SSH1: variants seen among roughly 807,000 people sequenced by gnomAD.
The protein encoded by SSH1 is slingshot protein phosphatase 1, also known as protein phosphatase Slingshot homolog 1.
In SSH1, 43 loss-of-function variants were observed where a neutral mutation model predicts 79.7. The observed-to-expected ratio is 0.54, with a 90% confidence interval of 0.42 to 0.70. The LOEUF (loss-of-function observed/expected upper bound fraction) is 0.70, where lower values mean the gene tolerates loss of function less well. SSH1 is among the 30% of genes least tolerant of loss of function. The probability of loss-of-function intolerance (pLI) is 0.00; values close to 1 mark genes in which losing one functional copy is unlikely to be tolerated. For missense variants in SSH1, 1,206 were observed against 1,358.8 expected (o/e 0.89, Z 1.77); for synonymous variants, 599 against 538.3 (o/e 1.11, Z -1.56).
In SSH1 at chr12:108,827,287, C is replaced by T. The variant is rs996686504; in HGVS notation, c.111-3926G>A. 5.2e-6 allele frequency: 8 copies of T among 1,550,996 alleles called. No individual in the cohort carries two copies. The African/African-American group carries it at 8.2e-5, about 16-fold the overall frequency. ...CTAATTTGAGCTGGAAACCTCTGGA[C>T]AGCAGAAGCAGTGGGTTGGCTGAAG... On this transcript the variant is annotated intron_variant, in intron 2 of 14. Transcript: ENST00000326495.
chr12:108,853,170 CT>C, intron 1 of SSH1: 1 of 985,414 alleles, frequency 1.0e-6, no homozygotes, highest in Non-Finnish European at 1.2e-6. Flanking sequence ...ATCAGGCCGT[CT>C]GTTTGTGGGT....
At chr12:108,792,120 C>T (rs1218840876) in intron 14 of SSH1, 166 bp downstream of exon 14, 2 of 1,484,742 alleles carry the variant, frequency 1.3e-6, no homozygotes, top group Non-Finnish European at 1.8e-6. Context: ...AAAGAACCCT[C>T]AGGTCCCTGG....
rs1300852474 is a variant in SSH1, at chr12:108,855,030, T to C, written c.70-2352A>G. On this transcript the variant is annotated intron_variant, in intron 1 of 14. Coordinates refer to ENST00000326495, the MANE Select transcript of SSH1 (RefSeq NM_018984.4). ...AGCTGCCTGAGTTTTACTTTATGTT[T>C]ATCAGGGTCATTGGCACTTGGTAAA... is the stretch of plus-strand genomic sequence containing the variant. Among the ~76,000 whole-genome samples the C allele has an allele frequency of 2.6e-5, 4 of 152,214 alleles. No homozygotes were observed. The East Asian group carries it at 7.7e-4, about 29-fold the overall frequency.
At chr12:108,854,171 G>A (rs1272510739) in intron 1 of SSH1, among the ~76,000 whole-genome samples, 3 of 152,190 alleles carry the variant, frequency 2.0e-5, no homozygotes, top group Non-Finnish European at 4.4e-5. Flanking sequence ...AAGATGTCTG[G>A]AGGCATTTTT....
At chr12:108,843,886 T>C (rs546855391) in intron 2 of SSH1, among the ~76,000 whole-genome samples, 1 of 152,284 alleles carries the variant, frequency 6.6e-6, no homozygotes, top group Non-Finnish European at 1.5e-5. Flanking sequence ...TGCACTGGGC[T>C]TCACAAATTA....
At position 108,792,370 on chromosome 12, in the gene SSH1, C is replaced by T; in HGVS notation, c.1809G>A (p.Gln603=). Residue 603 remains glutamine, a synonymous_variant, in exon 14 of 15, where the codon CAG becomes CAA. Coordinates refer to ENST00000326495, the MANE Select transcript of SSH1 (RefSeq NM_018984.4). ...GGTTTTGATCGAGCTGGGTTGGAAG[C>T]TGCCCCCACCTCCCTGCTCCCAGGC... ...EEGLGAGRWG[Q]LPTQLDQNLL... 1 of 1,614,190 alleles carries T rather than the reference C, an allele frequency of 6.2e-7. No individual in the cohort carries two copies.
rs2036296390 is a variant in SSH1, at chr12:108,787,057, T to G, written c.*931A>C. ...TGAAATCTCCTTTCCCTTCCCTAGATGGGCCCTAGTGGACCTAAGCATCTG... is the reference window on the plus strand; with the variant it reads ...TGAAATCTCCTTTCCCTTCCCTAGAGGGGCCCTAGTGGACCTAAGCATCTG... On this transcript the variant is annotated 3_prime_UTR_variant, in exon 15 of 15. Transcript: ENST00000326495. 6.6e-6 allele frequency: 1 copy of G among 152,248 alleles called. No individual in the cohort carries two copies. The highest frequency in any genetic ancestry group is 2.4e-5 in the African/African-American group (1 of 41,462). 9.4% of individuals were successfully genotyped at this position (152,248 alleles called of 1,614,324 possible). A position where few individuals can be genotyped will look rare whatever the true frequency, so the allele number is the denominator to read the frequency against.
chr12:108,803,552 C>G (rs1363603405), intron 10 of SSH1, among the ~76,000 whole-genome samples: 4 of 152,172 alleles, frequency 2.6e-5, no homozygotes, highest in African/African-American at 9.7e-5. Context: ...GCGACACTAG[C>G]TGAATTTTCA....
chr12:108,809,972 C>T (rs1395331570), intron 6 of SSH1, among the ~76,000 whole-genome samples: 1 of 152,060 alleles, frequency 6.6e-6, no homozygotes, highest in Non-Finnish European at 1.5e-5. Flanking sequence ...TTGTTTTTAA[C>T]CCAGCACTGC....
intron 14 of SSH1, chr12:108,791,875 G>A: frequency 8.4e-7 from 1 of 1,184,824 alleles, no homozygotes; most frequent in African/African-American, 1.6e-5. Flanking sequence ...GGAAGTGGGT[G>A]GTAGGGGTGA....
At chr12:108,838,524 G>A (rs2038695145) in intron 2 of SSH1, among the ~76,000 whole-genome samples, 1 of 152,220 alleles carries the variant, frequency 6.6e-6, no homozygotes. Flanking sequence ...CTATTGTGAA[G>A]GGCACGCGAA....
rs190330635 is a variant in SSH1 at position 108,835,932 on chromosome 12, C to T, written c.111-12571G>A. On this transcript the variant is annotated intron_variant, in intron 2 of 14. Transcript: ENST00000326495. ...TTAATTATAACTATATTAATATAAT[C>T]AATTATAACTATATTAATATAATCG... Among the ~76,000 whole-genome samples the T allele has an allele frequency of 7.3e-3, 534 of 72,998 alleles. 12 individuals carry two copies. Among genetic ancestry groups the T allele is most frequent in the South Asian group, 0.017 (30 of 1,746 alleles). 47.9% of individuals were successfully genotyped at this position (72,998 alleles called of 152,430 possible).
At chr12:108,856,917 T>C (rs1173349492) in intron 1 of SSH1, among the ~76,000 whole-genome samples, 1 of 152,196 alleles carries the variant, frequency 6.6e-6, no homozygotes, top group Non-Finnish European at 1.5e-5. Flanking sequence ...CACTCACAAA[T>C]GGGAGTCCCG....
At chr12:108,818,352 C>T in intron 3 of SSH1, 39 bp from the exon 4 acceptor site, 2 of 1,587,738 alleles carry the variant, frequency 1.3e-6, no homozygotes, top group South Asian at 1.1e-5. Context: ...AGGTCTCTTA[C>T]CTACTCTCTA....
chr12:108,812,690 G>T (rs569247392), intron 5 of SSH1, among the ~76,000 whole-genome samples: 3 of 152,182 alleles, frequency 2.0e-5, no homozygotes, highest in Admixed American at 2.0e-4. Context: ...TTCTGCTCAC[G>T]GCCTTCAACT....
At chr12:108,805,312 G>T in intron 9 of SSH1, 128 bp from the exon 10 acceptor site, 1 of 1,024,990 alleles carries the variant, frequency 9.8e-7, no homozygotes, top group Non-Finnish European at 1.4e-6. Flanking sequence ...CTCTTTCAGA[G>T]TAATACATTT....
Position 108,798,996 on chromosome 12 carries a change from C to A in SSH1, c.1349+4G>T, listed in dbSNP as rs2036869341. On this transcript the variant is annotated splice_donor_region_variant and intron_variant, in intron 13 of 14. Coordinates refer to ENST00000326495, the MANE Select transcript of SSH1 (RefSeq NM_018984.4). ...CCAACCCTTCTCTCCAGGCAGGCAC[C>A]CACCTTGCATCCAAGATGCCTTCAT... 2 of 1,612,268 alleles carry A rather than the reference C, an allele frequency of 1.2e-6. No homozygotes were observed. Among genetic ancestry groups the A allele is most frequent in the Non-Finnish European group, 8.5e-7 (1 of 1,180,022 alleles).
At position 108,782,720 on chromosome 12, in the gene SSH1, C is replaced by A. The variant is rs2036164683; in HGVS notation, c.*5268G>T. On this transcript the variant is annotated 3_prime_UTR_variant, in exon 15 of 15. Transcript: ENST00000326495. Reference sequence around the variant, plus strand: ...AATTTATAAAGAAAAAGTTTATTTTCATCACAAGAAGCACACACACTATAT... The same window carrying A: ...AATTTATAAAGAAAAAGTTTATTTTAATCACAAGAAGCACACACACTATAT... 1 of 152,022 alleles carries A rather than the reference C, an allele frequency of 6.6e-6. No homozygotes were observed. The highest frequency in any genetic ancestry group is 2.4e-5 in the African/African-American group (1 of 41,376). The allele number at this position is 152,022 out of a possible 1,614,324, so 9.4% of individuals were successfully genotyped here. A position where few individuals can be genotyped will look rare whatever the true frequency, so the allele number is the denominator to read the frequency against.
rs1380286836 is a variant in SSH1 at position 108,857,394 on chromosome 12, G to T, written c.69+34C>A. On this transcript the variant is annotated intron_variant, in intron 1 of 14. Coordinates refer to ENST00000326495, the MANE Select transcript of SSH1 (RefSeq NM_018984.4). This position sits in a 1 kb window ranked among gnomAD's most constrained non-coding sequence, Gnocchi z 4.7. ...CGGCGGCCTCGGCGCGGCGTCCGGC[G>T]GCCCAGGCCGGGCGCGGCGAGCCCG... 4 of 992,498 alleles carry T rather than the reference G, an allele frequency of 4.0e-6. No homozygotes were observed. The highest frequency in any genetic ancestry group is 2.4e-6 in the Non-Finnish European group (2 of 835,544). 61.5% of individuals were successfully genotyped at this position (992,498 alleles called of 1,614,324 possible).
Sources: gnomAD v4.1 joint callset for allele counts (sites outside exome capture counted in the v4.1 genomes callset) on GRCh38, gnomAD v4.1.1 for gene constraint, Gnocchi (gnomAD v3.1) non-coding constraint, MANE v1.5 for transcripts, NCBI Gene and HGNC (gene_info 2026-07-23, HGNC 2026-07-21) for gene names.